ADGRF5: variants seen among roughly 807,000 people sequenced by gnomAD.
The protein encoded by ADGRF5 is G-protein coupled receptor 116.
ADGRF5 carries 75 observed loss-of-function variants against 132.3 expected under a neutral mutation model. The ratio of observed to expected loss-of-function variants is 0.57; its 90% CI spans 0.47 to 0.69. ADGRF5 has a LOEUF of 0.69. Among genes scored for constraint, ADGRF5 ranks in the 30% least tolerant of loss-of-function variants. The pLI is 0.00. For missense variants in ADGRF5, 1,516 were observed against 1,630.6 expected, an observed-to-expected ratio of 0.93 and a Z score of 1.21; for synonymous variants, 629 against 597.6, an observed-to-expected ratio of 1.05 and a Z score of -0.77.
At chr6:46,856,660 A>T (rs1191847759) in intron 19 of ADGRF5, 58 bp downstream of exon 19, 1 of 1,021,684 alleles carries the variant, frequency 9.8e-7, no homozygotes, top group Non-Finnish European at 1.5e-6. Flanking sequence ...GTACTTCAGA[A>T]TGCTAGTGGA....
chr6:46,881,639 T>G, intron 7 of ADGRF5, 42 bp from the exon 8 acceptor site: 1 of 1,580,228 alleles, frequency 6.3e-7, no homozygotes, highest in Non-Finnish European at 8.7e-7. Flanking sequence ...ATAACTGACC[T>G]GGAAGAGTCT....
chr6:46,862,423 T>C (rs765163287), intron 15 of ADGRF5, among the ~76,000 whole-genome samples: 2 of 152,206 alleles, frequency 1.3e-5, no homozygotes, highest in Non-Finnish European at 2.9e-5. Flanking sequence ...ACAAGTTACT[T>C]CCAAGTAGTC....
chr6:46,938,262 C>T (rs1276342892), intron 1 of ADGRF5, among the ~76,000 whole-genome samples: 1 of 152,174 alleles, frequency 6.6e-6, no homozygotes, highest in Non-Finnish European at 1.5e-5. Flanking sequence ...TTCCTTTCTG[C>T]TGGCCTCAGA....
chr6:46,860,864 T>C lies in ADGRF5; in HGVS notation c.2230A>G (p.Met744Val). The change falls in exon 16 of 21, where the codon ATG becomes GTG. Residue 744 changes from methionine (M) to valine (V), a missense_variant. By Grantham distance (21) the Met-to-Val change is conservative (BLOSUM62 1). This residue lies in a region of ADGRF5 where 945 missense variants were observed against 929.4 expected (regional missense o/e 1.02). Coordinates refer to ENST00000283296, the MANE Select transcript of ADGRF5 (RefSeq NM_001098518.2). ...AGATCCTTCAGGTATGTAGGGAGCA[T>C]CTCATCCTGAGAGGGGCTCTTGATC... Reference protein sequence around the residue: ...ALIKSPSQDEMLPTYLKDLSI... With the variant: ...ALIKSPSQDEVLPTYLKDLSI... 6.2e-7 allele frequency: 1 copy of C among 1,612,084 alleles called. No homozygotes were observed. Among genetic ancestry groups the C allele is most frequent in the Non-Finnish European group, 8.5e-7 (1 of 1,178,672 alleles).
At chr6:46,863,947 T>G (rs1197823519) in intron 14 of ADGRF5, among the ~76,000 whole-genome samples, 1 of 152,196 alleles carries the variant, frequency 6.6e-6, no homozygotes, top group Non-Finnish European at 1.5e-5. Context: ...CAGGTGAAAG[T>G]GACTCTAAAT....
In ADGRF5 at chr6:46,879,894, C is replaced by T. The variant is rs759555229; in HGVS notation, c.960G>A (p.Ser320=). 2.2e-5 allele frequency: 35 copies of T among 1,613,984 alleles called. No homozygotes were observed. The highest frequency in any genetic ancestry group is 3.3e-5 in the South Asian group (3 of 91,086). ...QLEIQNSSRF[S]IYTALFNNMT... ...TGTTGTTGAAAAGTGCGGTGTAAAT[C>T]GAGAATCTGCTGCTGTTCTGGATTT... Residue 320 remains serine, a synonymous_variant, in exon 9 of 21, where the codon TCG becomes TCA. Coordinates refer to ENST00000283296, the MANE Select transcript of ADGRF5 (RefSeq NM_001098518.2).
intron 1 of ADGRF5, among the ~76,000 whole-genome samples, chr6:46,941,940 T>C (rs1778107027): frequency 1.3e-5 from 2 of 152,256 alleles, no homozygotes; most frequent in Admixed American, 1.3e-4. Context: ...AGTGTATTTA[T>C]GGTGTGCTAC....
rs1374396552 is a variant in ADGRF5 at position 46,906,742 on chromosome 6, G to T, written c.21C>A (p.Thr7=). 2.5e-6 allele frequency: 4 copies of T among 1,601,390 alleles called. No homozygotes were observed. The highest frequency in any genetic ancestry group is 3.4e-6 in the Non-Finnish European group (4 of 1,168,570). The stretch of plus-strand genomic sequence containing the variant: ...TCACAATAAACATGAGGCACAAAGT[G>T]GTTCTCCTTGGGGATTTCATGTCTT... MKSPRR[T]TLCLMFIVIY... The change falls in exon 2 of 21, where the codon ACC becomes ACA. Residue 7 remains threonine (T), a synonymous_variant. Coordinates refer to ENST00000283296, the MANE Select transcript of ADGRF5 (RefSeq NM_001098518.2).
chr6:46,916,008 C>G (rs185109362), intron 1 of ADGRF5, among the ~76,000 whole-genome samples: 6 of 152,210 alleles, frequency 3.9e-5, no homozygotes, highest in Non-Finnish European at 5.9e-5. Flanking sequence ...CTTCTATGCT[C>G]CCATCCTCAT....
intron 13 of ADGRF5, among the ~76,000 whole-genome samples, chr6:46,866,704 A>T (rs1410823): frequency 0.25 from 38,600 of 151,850 alleles, 5,402 homozygotes; most frequent in East Asian, 0.38. Context: ...CCAATTAAAA[A>T]AAAAGGCTCC....
chr6:46,935,224 C>T (rs543588754), intron 1 of ADGRF5, among the ~76,000 whole-genome samples: 31 of 152,032 alleles, frequency 2.0e-4, no homozygotes, highest in African/African-American at 7.2e-4. Flanking sequence ...AGGATGGTCT[C>T]GATCTCCTGA....
At chr6:46,889,455 T>G (rs911686008) in intron 3 of ADGRF5, among the ~76,000 whole-genome samples, 3 of 146,832 alleles carry the variant, frequency 2.0e-5, no homozygotes, top group Admixed American at 6.9e-5. Context: ...GTATATATAC[T>G]AAAGTCTATA....
intron 1 of ADGRF5, chr6:46,909,139 T>C (rs555093663): frequency 5.3e-4 from 80 of 152,216 alleles, no homozygotes; most frequent in Admixed American, 1.3e-3. Flanking sequence ...GAAAAGTCTA[T>C]ATTCATCCAG....
chr6:46,911,977 C>T (rs978690673), intron 1 of ADGRF5, among the ~76,000 whole-genome samples: 3 of 151,950 alleles, frequency 2.0e-5, no homozygotes, highest in Admixed American at 6.6e-5. Context: ...TTACTATATA[C>T]CAGGCACTAA....
At chr6:46,881,056 C>T (rs112399362) in intron 8 of ADGRF5, among the ~76,000 whole-genome samples, 112 of 152,300 alleles carry the variant, frequency 7.4e-4, no homozygotes, top group African/African-American at 2.6e-3. Flanking sequence ...GCCATGATTA[C>T]ACTATTGCAC....
At chr6:46,869,623 C>G (rs1346615058) in intron 11 of ADGRF5, among the ~76,000 whole-genome samples, 5 of 152,194 alleles carry the variant, frequency 3.3e-5, no homozygotes, top group African/African-American at 9.7e-5. Context: ...ATCCCCAGTA[C>G]TCAGCACTGG....
chr6:46,919,693 C>T (rs571783836), intron 1 of ADGRF5, among the ~76,000 whole-genome samples: 53 of 152,264 alleles, frequency 3.5e-4, no homozygotes, highest in African/African-American at 1.2e-3. Flanking sequence ...AATGATTCAT[C>T]GGAGTAGCCA....
At chr6:46,913,496 C>T (rs564995819) in intron 1 of ADGRF5, among the ~76,000 whole-genome samples, 60 of 57,896 alleles carry the variant, frequency 1.0e-3, no homozygotes, top group Middle Eastern at 7.1e-3. Context: ...CAAAACTCCA[C>T]CTCAAAAAAA....
chr6:46,953,618 G>T (rs1327838068), intron 1 of ADGRF5, among the ~76,000 whole-genome samples: 1 of 108,458 alleles, frequency 9.2e-6, no homozygotes, highest in African/African-American at 3.7e-5. Context: ...CACAGTCTCA[G>T]AAAAAAAAAA....
Sources: allele counts gnomAD v4.1 joint callset (sites outside exome capture counted in the v4.1 genomes callset), GRCh38; gene constraint gnomAD v4.1.1; regional missense constraint gnomAD v4.1.1; transcripts MANE v1.5; gene names NCBI Gene and HGNC (gene_info 2026-07-23, HGNC 2026-07-21).